The following RYR2 variants were observed in gnomAD, a reference collection of about 807,000 sequenced individuals.
RYR2 encodes the protein ryanodine receptor 2, also known as cardiac muscle ryanodine receptor-calcium release channel.
Under a neutral mutation model 601.1 loss-of-function variants are expected in RYR2, and 227 were observed. That is an observed-to-expected ratio of 0.38 (90% CI 0.34 to 0.42). The LOEUF is 0.42. Among genes scored for constraint, RYR2 ranks in the 10% least tolerant of loss-of-function variants. The pLI is 1.00. For synonymous variants in RYR2, 2,223 were observed against 2,175.1 expected (o/e 1.02, Z -0.61); for missense variants, 4,646 against 6,156.5 (o/e 0.75, Z 8.21).
At chr1:237,485,888 T>G (rs1662635727) in intron 17 of RYR2, among the ~76,000 whole-genome samples, 1 of 152,156 alleles carries the variant, frequency 6.6e-6, no homozygotes, top group African/African-American at 2.4e-5. Context: ...CATTAAAGAT[T>G]TTAAGCAAGG....
chr1:237,735,414 G>A lies in RYR2; in HGVS notation c.11091+1658G>A, dbSNP rs367994343. On this transcript the variant is annotated intron_variant, in intron 79 of 104. Transcript: ENST00000366574. ...ATTTGTTTGCTTGTTTTTAAAGAGA[G>A]AGCCATCTAAGCACACATATATTCT... 2.0e-5 allele frequency among the ~76,000 whole-genome samples: 3 copies of A among 152,244 alleles called. No individual in the cohort carries two copies. In the East Asian group the frequency reaches 5.8e-4, roughly 29 times the overall value.
At chr1:237,763,225 G>A (rs1050872295) in intron 84 of RYR2, among the ~76,000 whole-genome samples, 2 of 152,130 alleles carry the variant, frequency 1.3e-5, no homozygotes, top group Non-Finnish European at 2.9e-5. Flanking sequence ...TTTCTGGTGG[G>A]CCCAGCGTCT....
chr1:237,771,415 T>TAA (rs5781990), intron 85 of RYR2, among the ~76,000 whole-genome samples: 105 of 143,286 alleles, frequency 7.3e-4, no homozygotes, highest in Middle Eastern at 3.6e-3. Flanking sequence ...TGTCTCTCAA[T>TAA]AAAAAAAAAA....
chr1:237,307,946 C>A (rs1189844766), intron 2 of RYR2, among the ~76,000 whole-genome samples: 1 of 151,074 alleles, frequency 6.6e-6, no homozygotes, highest in Non-Finnish European at 1.5e-5. Flanking sequence ...GAAAATGAGG[C>A]CGGGACTTGC....
rs1693570130 is a variant in RYR2 at position 237,763,214 on chromosome 1, C to A, written c.11476+2186C>A. On this transcript the variant is annotated intron_variant, in intron 84 of 104. Coordinates refer to ENST00000366574, the MANE Select transcript of RYR2 (RefSeq NM_001035.3). ...GTTTTGTTGCTTTTCAGTTAAAAAC[C>A]TTTCTGGTGGGCCCAGCGTCTGCAA... Among the ~76,000 whole-genome samples the A allele has an allele frequency of 2.0e-5, 3 of 152,118 alleles. No individual in the cohort carries two copies. In the South Asian group the frequency reaches 6.2e-4, roughly 32 times the overall value.
intron 20 of RYR2, among the ~76,000 whole-genome samples, chr1:237,497,553 G>A: frequency 6.6e-6 from 1 of 152,186 alleles, no homozygotes; most frequent in East Asian, 1.9e-4. Context: ...GTCCTGGTAT[G>A]ATCTTGGCAT....
intron 29 of RYR2, among the ~76,000 whole-genome samples, chr1:237,577,521 T>A (rs895860631): frequency 1.4e-5 from 1 of 70,396 alleles, no homozygotes; most frequent in Non-Finnish European, 3.4e-5. Flanking sequence ...TGTGTGTGTG[T>A]GTGTGTGTGT....
intron 1 of RYR2, among the ~76,000 whole-genome samples, chr1:237,253,705 G>T (rs1381427110): frequency 6.6e-6 from 1 of 152,102 alleles, no homozygotes; most frequent in African/African-American, 2.4e-5. Context: ...ATAGTTTATT[G>T]CTCAGGTATA....
intron 1 of RYR2, among the ~76,000 whole-genome samples, chr1:237,226,283 T>C (rs1684359505): frequency 6.6e-6 from 1 of 152,224 alleles, no homozygotes; most frequent in African/African-American, 2.4e-5. Context: ...CACTGATTGC[T>C]GGAATTTAAA....
chr1:237,799,587 A>AAATT (rs1250533471), intron 97 of RYR2, among the ~76,000 whole-genome samples: 1 of 152,218 alleles, frequency 6.6e-6, no homozygotes, highest in Non-Finnish European at 1.5e-5. Context: ...ATGGAGAATA[A>AAATT]AATTAGAAGA....
chr1:237,805,318 C>T (rs529539606), intron 98 of RYR2, among the ~76,000 whole-genome samples: 3 of 152,220 alleles, frequency 2.0e-5, no homozygotes, highest in Admixed American at 1.3e-4. Flanking sequence ...CAGTGGCTCA[C>T]GCCTGTAATC....
chr1:237,792,380 T>TGTGCGC (rs1558425745), intron 94 of RYR2, 57 bp downstream of exon 94: 5 of 838,190 alleles, frequency 6.0e-6, no homozygotes, highest in South Asian at 1.9e-5. Flanking sequence ...TGTGTGTGTG[T>TGTGCGC]GCGTGTGTGT....
chr1:237,339,271 T>G (rs1697528787), intron 3 of RYR2, among the ~76,000 whole-genome samples: 1 of 152,202 alleles, frequency 6.6e-6, no homozygotes, highest in Non-Finnish European at 1.5e-5. Flanking sequence ...GATGCCTGCT[T>G]GGAATATGAT....
Position 237,603,244 on chromosome 1 carries a change from C to G in RYR2, c.4683+1133C>G, listed in dbSNP as rs545885698. Among the ~76,000 whole-genome samples, 3 of 152,278 alleles carry G rather than the reference C, an allele frequency of 2.0e-5. No homozygotes were observed. The South Asian group carries it at 6.2e-4, about 32-fold the overall frequency. On this transcript the variant is annotated intron_variant, in intron 35 of 104. Coordinates refer to ENST00000366574, the MANE Select transcript of RYR2 (RefSeq NM_001035.3). ...GCCAAGGGAACGGGCTTGGTGGAAT[C>G]CGCGGGGAAAGAAGACCCTGTTGAG...
intron 1 of RYR2, among the ~76,000 whole-genome samples, chr1:237,073,955 A>C (rs1664697586): frequency 6.6e-6 from 1 of 151,316 alleles, no homozygotes; most frequent in Admixed American, 6.6e-5. Context: ...ATATATGGTT[A>C]AAATTAATTT....
chr1:237,108,310 C>T (rs1668988205), intron 1 of RYR2, among the ~76,000 whole-genome samples: 1 of 152,156 alleles, frequency 6.6e-6, no homozygotes, highest in African/African-American at 2.4e-5. Context: ...CTTTCCTGCC[C>T]AGCTTCTGAA....
chr1:237,828,400 T>C lies in RYR2; in HGVS notation c.14610T>C (p.Phe4870=), dbSNP rs1271165417. The change falls in exon 102 of 105, where the codon TTT becomes TTC. Residue 4870 remains phenylalanine (F), a synonymous_variant. Coordinates refer to ENST00000366574, the MANE Select transcript of RYR2 (RefSeq NM_001035.3). Reference sequence around the variant, plus strand: ...CACCAGGTCTAATTATTGATGCTTTTGGAGAACTAAGAGACCAACAGGAAC... The same window carrying C: ...CACCAGGTCTAATTATTGATGCTTTCGGAGAACTAAGAGACCAACAGGAAC... ...AIIQGLIIDA[F]GELRDQQEQV... 3 of 1,565,068 alleles carry C rather than the reference T, an allele frequency of 1.9e-6. No homozygotes were observed. Among genetic ancestry groups the C allele is most frequent in the South Asian group, 1.2e-5 (1 of 84,972 alleles).
At chr1:237,685,067 G>T (rs1213553537) in intron 62 of RYR2, among the ~76,000 whole-genome samples, 3 of 152,126 alleles carry the variant, frequency 2.0e-5, no homozygotes, top group Admixed American at 6.6e-5. Context: ...AGGGGCATTG[G>T]TGAGCTGCAA....
At chr1:237,376,621 G>A (rs1242165787) in intron 7 of RYR2, among the ~76,000 whole-genome samples, 1 of 152,148 alleles carries the variant, frequency 6.6e-6, no homozygotes, top group African/African-American at 2.4e-5. Context: ...AAGCTTCTAT[G>A]TTAGGTATTG....
Sources: allele counts gnomAD v4.1 joint callset (sites outside exome capture counted in the v4.1 genomes callset), GRCh38; gene constraint gnomAD v4.1.1; transcripts MANE v1.5; gene names NCBI Gene and HGNC (gene_info 2026-07-23, HGNC 2026-07-21).